The following TNS1 variants were observed in gnomAD, a reference collection of about 807,000 sequenced individuals.
The protein encoded by TNS1 is tensin 1.
In TNS1, 62 loss-of-function variants were observed where a neutral mutation model predicts 168.6. That is an observed-to-expected ratio of 0.37 (90% CI 0.30 to 0.45). TNS1 has a LOEUF of 0.45. TNS1 is among the 20% of genes least tolerant of loss of function. The pLI, the probability that TNS1 is intolerant of heterozygous loss-of-function variation, is 1.00. For synonymous variants in TNS1, 934 were observed against 933.2 expected (o/e 1.00, Z -0.02); for missense variants, 2,240 against 2,339.4 (o/e 0.96, Z 0.88).
At chr2:218,019,870 G>T (rs927795461) in intron 1 of TNS1, among the ~76,000 whole-genome samples, 1 of 151,930 alleles carries the variant, frequency 6.6e-6, no homozygotes, top group African/African-American at 2.4e-5. Context: ...CCTGTCAATG[G>T]CCCCAAGATC....
At position 217,835,184 on chromosome 2, in the gene TNS1, G is replaced by T. The variant is rs377021549; in HGVS notation, c.3205-18C>A. On this transcript the variant is annotated intron_variant, in intron 20 of 32. Coordinates refer to ENST00000682258, the MANE Select transcript of TNS1 (RefSeq NM_001387777.1). ...AAATGGGGCTGTGGGAGAACACAGG[G>T]GAGAAAAAGAGGGAAACCATGAGAA... 3.1e-6 allele frequency: 5 copies of T among 1,600,950 alleles called. No individual in the cohort carries two copies. In the African/African-American group the frequency reaches 5.4e-5, roughly 17 times the overall value.
intron 18 of TNS1, among the ~76,000 whole-genome samples, chr2:217,864,325 T>C (rs1949067274): frequency 6.6e-6 from 1 of 152,158 alleles, no homozygotes; most frequent in Admixed American, 6.5e-5. Flanking sequence ...GGCAGGCATG[T>C]TATTGAGTAT....
At chr2:217,806,268 G>A (rs77538871) in intron 32 of TNS1, among the ~76,000 whole-genome samples, 10,588 of 152,340 alleles carry the variant, frequency 0.07, 498 homozygotes, top group Non-Finnish European at 0.1. Context: ...CAGGCAAGAA[G>A]CCTCAGCCCG....
At chr2:217,947,550 C>T (rs1320156259) in intron 3 of TNS1, among the ~76,000 whole-genome samples, 1 of 152,040 alleles carries the variant, frequency 6.6e-6, no homozygotes, top group African/African-American at 2.4e-5. Context: ...GGGACAGAGC[C>T]TGGAGCAACA....
Position 217,858,156 on chromosome 2 carries a change from C to T in TNS1, c.1430-9069G>A, listed in dbSNP as rs1000571299. On this transcript the variant is annotated intron_variant, in intron 18 of 32. Coordinates refer to ENST00000682258, the MANE Select transcript of TNS1 (RefSeq NM_001387777.1). ...CCTCATTCCCTCTGCCAACCCCATT[C>T]GCGCACAAGACGAACCGTTACCCCC... Among the ~76,000 whole-genome samples the T allele has an allele frequency of 2.6e-5, 4 of 152,168 alleles. No individual in the cohort carries two copies. In the East Asian group the frequency reaches 5.8e-4, roughly 22 times the overall value.
intron 22 of TNS1, among the ~76,000 whole-genome samples, chr2:217,823,500 A>G (rs1163505249): frequency 1.3e-5 from 2 of 152,196 alleles, no homozygotes; most frequent in African/African-American, 4.8e-5. Flanking sequence ...TTTGCTGCAT[A>G]GGGGCATGGC....
chr2:217,863,296 C>T (rs1291323408), intron 18 of TNS1, among the ~76,000 whole-genome samples: 1 of 150,032 alleles, frequency 6.7e-6, no homozygotes, highest in African/African-American at 2.5e-5. Flanking sequence ...GAAAGAGGAG[C>T]ACCCCCAGGT....
chr2:217,937,356 A>G (rs1172547079), intron 3 of TNS1, among the ~76,000 whole-genome samples: 1 of 152,134 alleles, frequency 6.6e-6, no homozygotes, highest in African/African-American at 2.4e-5. Flanking sequence ...CAGTGGGTCC[A>G]CAGGCACTGC....
intron 18 of TNS1, among the ~76,000 whole-genome samples, chr2:217,864,205 C>G (rs1248060218): frequency 6.6e-6 from 1 of 152,216 alleles, no homozygotes; most frequent in African/African-American, 2.4e-5. Context: ...TCTCCCCACC[C>G]TTACTGCTCC....
chr2:217,917,753 C>A (rs1307241809), intron 4 of TNS1, among the ~76,000 whole-genome samples: 12 of 147,768 alleles, frequency 8.1e-5, no homozygotes, highest in African/African-American at 3.0e-4. Flanking sequence ...AATGCTTGAA[C>A]CCAGGAGGTG....
At chr2:217,976,717 G>A (rs986054573) in intron 3 of TNS1, among the ~76,000 whole-genome samples, 4 of 152,238 alleles carry the variant, frequency 2.6e-5, no homozygotes, top group Non-Finnish European at 5.9e-5. Context: ...ATGACAAGGG[G>A]CCATCTGTCA....
chr2:218,031,557 G>C (rs1958900847), intron 1 of TNS1, among the ~76,000 whole-genome samples: 1 of 130,042 alleles, frequency 7.7e-6, no homozygotes, highest in Non-Finnish European at 1.5e-5. Context: ...ATGAGTGTAT[G>C]TGTGTGTCTG....
chr2:218,013,524 C>G (rs568313730), upstream of TNS1, among the ~76,000 whole-genome samples: 143 of 152,276 alleles, frequency 9.4e-4, 6 homozygotes, highest in South Asian at 0.029. Context: ...CCAACAGTGG[C>G]CCCCAGCTCC....
intron 28 of TNS1, among the ~76,000 whole-genome samples, chr2:217,812,160 A>G (rs751958854): frequency 6.6e-6 from 1 of 152,164 alleles, no homozygotes; most frequent in Non-Finnish European, 1.5e-5. Flanking sequence ...AAGTCCATTT[A>G]TGTATGCTCC....
At chr2:218,008,307 C>A (rs2105995927) in intron 1 of TNS1, among the ~76,000 whole-genome samples, 1 of 152,328 alleles carries the variant, frequency 6.6e-6, no homozygotes, top group African/African-American at 2.4e-5. Flanking sequence ...CTCATCCACC[C>A]CCGACCCCCA....
intron 1 of TNS1, among the ~76,000 whole-genome samples, chr2:217,993,666 G>A (rs1420630887): frequency 2.0e-5 from 3 of 152,224 alleles, no homozygotes; most frequent in African/African-American, 7.2e-5. Context: ...AAGTAACGGC[G>A]GCTTCTGAAC....
chr2:217,927,920 A>G (rs1223449302), intron 3 of TNS1, among the ~76,000 whole-genome samples: 1 of 152,200 alleles, frequency 6.6e-6, no homozygotes, highest in Non-Finnish European at 1.5e-5. Context: ...ATAATCCCAG[A>G]AGGCCCCAGT....
chr2:218,007,240 T>C (rs1958666282), upstream of TNS1, among the ~76,000 whole-genome samples: 1 of 152,186 alleles, frequency 6.6e-6, no homozygotes, highest in Non-Finnish European at 1.5e-5. Flanking sequence ...CCTCAGATTC[T>C]GGTATTCTCC....
At chr2:217,992,674 A>G (rs2126089616) in intron 1 of TNS1, 1 of 152,560 alleles carries the variant, frequency 6.6e-6, no homozygotes, top group Non-Finnish European at 1.5e-5. Context: ...GACAGGGGAG[A>G]GAGAGGGGTG....
Sources: allele counts gnomAD v4.1 joint callset (sites outside exome capture counted in the v4.1 genomes callset), GRCh38; gene constraint gnomAD v4.1.1; transcripts MANE v1.5; gene names NCBI Gene and HGNC (gene_info 2026-07-23, HGNC 2026-07-21).